Variants in ACSM3 observed in about 807,000 individuals in gnomAD.
ACSM3 encodes acyl-coenzyme A synthetase ACSM3, mitochondrial.
A neutral mutation model predicts 74.1 loss-of-function variants in ACSM3; 61 were observed. That is an observed-to-expected ratio of 0.82 (90% CI 0.67 to 1.02). The LOEUF is 1.02. Ranked by LOEUF, ACSM3 falls within the 50% of genes least tolerant of loss-of-function variation. The probability of loss-of-function intolerance (pLI) is 0.00; values close to 1 mark genes in which losing one functional copy is unlikely to be tolerated. For missense variants in ACSM3, 660 were observed against 697.0 expected, an observed-to-expected ratio of 0.95 and a Z score of 0.60; for synonymous variants, 213 against 241.5, an observed-to-expected ratio of 0.88 and a Z score of 1.09.
chr16:20,729,379 A>G, intron 1 of ACSM3: 1 of 1,308,204 alleles, frequency 7.6e-7, no homozygotes, highest in Non-Finnish European at 1.1e-6. Context: ...TGCCACTCTT[A>G]AGAGGCAAGG....
At chr16:20,769,551 CT>C (rs2080165953) in intron 1 of ACSM3, among the ~76,000 whole-genome samples, 1 of 152,260 alleles carries the variant, frequency 6.6e-6, no homozygotes, top group Non-Finnish European at 1.5e-5. Flanking sequence ...CTTAACATTT[CT>C]ACCCTACTTT....
chr16:20,713,780 T>G (rs1381258550), intron 1 of ACSM3, among the ~76,000 whole-genome samples: 1 of 152,124 alleles, frequency 6.6e-6, no homozygotes, highest in Non-Finnish European at 1.5e-5. Context: ...ATTTTGGGGG[T>G]AGTTTTCAAG....
chr16:20,700,438 C>T (rs995098132), intron 1 of ACSM3, among the ~76,000 whole-genome samples: 2 of 151,894 alleles, frequency 1.3e-5, no homozygotes, highest in Non-Finnish European at 2.9e-5. Flanking sequence ...TAAGGATGTT[C>T]TCCCTTAAGA....
intron 1 of ACSM3, chr16:20,682,408 T>G: frequency 1.2e-6 from 2 of 1,613,950 alleles, no homozygotes; most frequent in South Asian, 1.1e-5. Context: ...ACAACTGTAG[T>G]CGATAGAGAA....
intron 1 of ACSM3, among the ~76,000 whole-genome samples, chr16:20,741,076 CCAAA>C (rs538363205): frequency 7.9e-4 from 120 of 152,088 alleles, no homozygotes; most frequent in African/African-American, 2.7e-3. Context: ...CTACCCTGGG[CCAAA>C]CAGTGAGACC....
At chr16:20,777,702 T>A in intron 4 of ACSM3, 122 bp downstream of exon 4, 1 of 843,206 alleles carries the variant, frequency 1.2e-6, no homozygotes, top group Non-Finnish European at 1.8e-6. Context: ...GAACAGTTGG[T>A]AGTTATTGCT....
Position 20,768,640 on chromosome 16 carries a change from A to AT in ACSM3, c.-51-1335dup, listed in dbSNP as rs369371354. ...TGATCCAAGACCTAGGCATCAGAGTATTTTTTTTTAATGCTTTCTTGGTGA... is the reference window on the plus strand; with the variant it reads ...TGATCCAAGACCTAGGCATCAGAGTATTTTTTTTTTAATGCTTTCTTGGTGA... On this transcript the variant is annotated intron_variant, in intron 1 of 13. Transcript: ENST00000289416. Among the ~76,000 whole-genome samples, 153 of 151,488 alleles carry AT rather than the reference A, an allele frequency of 1.0e-3. 1 individual carries two copies. Among genetic ancestry groups the AT allele is most frequent in the Non-Finnish European group, 1.5e-3 (102 of 67,780 alleles).
intron 7 of ACSM3, among the ~76,000 whole-genome samples, chr16:20,783,925 C>T (rs1470530912): frequency 6.6e-6 from 1 of 152,190 alleles, no homozygotes; most frequent in Non-Finnish European, 1.5e-5. Context: ...CCTGCCTCAG[C>T]CTCCTGAGCA....
chr16:20,717,094 C>T (rs1347837331), intron 1 of ACSM3, among the ~76,000 whole-genome samples: 1 of 152,174 alleles, frequency 6.6e-6, no homozygotes, highest in Non-Finnish European at 1.5e-5. Context: ...ATTCATCTTC[C>T]TAACGTGCTA....
chr16:20,789,204 T>A (rs2080539616), intron 9 of ACSM3, among the ~76,000 whole-genome samples: 1 of 152,188 alleles, frequency 6.6e-6, no homozygotes, highest in South Asian at 2.1e-4. Context: ...TAAAAGCATA[T>A]GATCTGGAGT....
intron 1 of ACSM3, chr16:20,738,308 TAC>T (rs375908813): frequency 1.8e-4 from 59 of 325,836 alleles, no homozygotes; most frequent in South Asian, 4.6e-4. Flanking sequence ...CACACTTTTT[TAC>T]AAAAAAAAAA....
intron 1 of ACSM3, among the ~76,000 whole-genome samples, chr16:20,727,676 C>A (rs1286114437): frequency 6.6e-6 from 1 of 152,158 alleles, no homozygotes; most frequent in Non-Finnish European, 1.5e-5. Context: ...TCATTCCTGC[C>A]TCCCCCTCAT....
At chr16:20,691,054 T>C (rs534826372) in intron 1 of ACSM3, 2 of 1,613,900 alleles carry the variant, frequency 1.2e-6, no homozygotes, top group South Asian at 1.1e-5. Flanking sequence ...ATTCCTCCGG[T>C]ACTTCATAGT....
chr16:20,742,813 A>ATTTTTT (rs372677216), intron 1 of ACSM3, among the ~76,000 whole-genome samples: 2 of 66,820 alleles, frequency 3.0e-5, no homozygotes, highest in South Asian at 4.4e-4. Flanking sequence ...ATATATATAT[A>ATTTTTT]TTTTTTTTTT....
At position 20,675,478 on chromosome 16, in the gene ACSM3, G is replaced by A. The variant is rs552755227; in HGVS notation, c.-190+656G>A. Reference sequence around the variant, plus strand: ...TGGCTAAGCAGCGTCTGAAACTCCTGTAATAGGACCCAGTCTGGTGGACCT... The same window carrying A: ...TGGCTAAGCAGCGTCTGAAACTCCTATAATAGGACCCAGTCTGGTGGACCT... On this transcript the variant is annotated intron_variant, in intron 1 of 3. Transcript: ENST00000561584. Among the ~76,000 whole-genome samples, 3 of 152,290 alleles carry A rather than the reference G, an allele frequency of 2.0e-5. No individual in the cohort carries two copies. The South Asian group carries it at 6.2e-4, about 32-fold the overall frequency.
chr16:20,737,510 A>G (rs978672687), intron 1 of ACSM3, among the ~76,000 whole-genome samples: 1 of 152,248 alleles, frequency 6.6e-6, no homozygotes, highest in Admixed American at 6.5e-5. Context: ...TCGAGTTAAA[A>G]AAGACTTTTA....
chr16:20,760,208 C>G (rs2356267), upstream of ACSM3, among the ~76,000 whole-genome samples: 20,015 of 152,160 alleles, frequency 0.13, 1,383 homozygotes, highest in East Asian at 0.21. Flanking sequence ...TCTTTTACCC[C>G]AAAATATATT....
intron 1 of ACSM3, among the ~76,000 whole-genome samples, chr16:20,691,693 G>T (rs969572660): frequency 2.0e-5 from 3 of 151,602 alleles, no homozygotes; most frequent in Non-Finnish European, 2.9e-5. Context: ...GTCCAGGGTT[G>T]AGCAGTCATT....
At chr16:20,705,378 A>AG (rs1164168146) in intron 1 of ACSM3, among the ~76,000 whole-genome samples, 3 of 151,972 alleles carry the variant, frequency 2.0e-5, no homozygotes, top group African/African-American at 7.3e-5. Context: ...GTCTCAGAAA[A>AG]AAAAAAAAAA....
Sources: gnomAD v4.1 joint callset for allele counts (sites outside exome capture counted in the v4.1 genomes callset) on GRCh38, gnomAD v4.1.1 for gene constraint, MANE v1.5 for transcripts, NCBI Gene and HGNC (gene_info 2026-07-23, HGNC 2026-07-21) for gene names.